ELP4: variants seen among roughly 807,000 people sequenced by gnomAD.
ELP4 encodes elongator acetyltransferase complex subunit 4.
In ELP4, 51 loss-of-function variants were observed where a neutral mutation model predicts 48.9. The ratio of observed to expected loss-of-function variants is 1.04; its 90% CI spans 0.83 to 1.32. The LOEUF (loss-of-function observed/expected upper bound fraction) is 1.32. Among genes scored for constraint, ELP4 ranks in the 40% most tolerant of loss-of-function variants. The pLI, the probability that ELP4 is intolerant of heterozygous loss-of-function variation, is 0.00. For synonymous variants in ELP4, 210 were observed against 189.2 expected, an observed-to-expected ratio of 1.11 and a Z score of -0.90; for missense variants, 519 against 514.6, an observed-to-expected ratio of 1.01 and a Z score of -0.08.
At chr11:31,511,931 G>A (rs1956017138) in intron 1 of ELP4, 1 of 152,150 alleles carries the variant, frequency 6.6e-6, no homozygotes, top group African/African-American at 2.4e-5. Flanking sequence ...AAACAGTATT[G>A]GTTGTTGAAT....
chr11:31,510,511 G>T, intron 1 of ELP4: 1 of 406,468 alleles, frequency 2.5e-6, no homozygotes, highest in South Asian at 1.1e-4. Flanking sequence ...AAAACATTTT[G>T]GCTTTAAGAG....
intron 7 of ELP4, chr11:31,633,260 T>G (rs1944902642): frequency 6.6e-6 from 1 of 152,040 alleles, no homozygotes; most frequent in African/African-American, 2.4e-5. Flanking sequence ...ATATACAGCA[T>G]ATATAGCAAA....
chr11:31,763,093 CA>C (rs34634356), intron 9 of ELP4, among the ~76,000 whole-genome samples: 146 of 137,504 alleles, frequency 1.1e-3, no homozygotes, highest in Middle Eastern at 4.0e-3. Context: ...GTATAATGAG[CA>C]AAAAAAAAAA....
chr11:31,573,209 C>A (rs971538485), intron 3 of ELP4, among the ~76,000 whole-genome samples: 2 of 152,196 alleles, frequency 1.3e-5, no homozygotes, highest in Admixed American at 6.5e-5. Context: ...AATGTGCCTA[C>A]ATGCAGTCTG....
chr11:31,556,188 A>G (rs182417104), intron 3 of ELP4, among the ~76,000 whole-genome samples: 39 of 152,026 alleles, frequency 2.6e-4, no homozygotes, highest in African/African-American at 8.7e-4. Flanking sequence ...TTAGGAAGTC[A>G]GCATTAAGAT....
intron 9 of ELP4, among the ~76,000 whole-genome samples, chr11:31,729,315 G>GTATCTAT (rs1399434343): frequency 1.3e-5 from 2 of 152,102 alleles, no homozygotes; most frequent in Non-Finnish European, 2.9e-5. Context: ...TCCGCAATTA[G>GTATCTAT]TATCTATGTA....
intron 5 of ELP4, among the ~76,000 whole-genome samples, chr11:31,621,918 A>G (rs1944630898): frequency 6.6e-6 from 1 of 151,864 alleles, no homozygotes; most frequent in Admixed American, 6.6e-5. Flanking sequence ...TTTGAGTTTT[A>G]AGTGCCGTTT....
intron 1 of ELP4, among the ~76,000 whole-genome samples, chr11:31,516,772 G>T (rs562037780): frequency 1.3e-5 from 2 of 152,130 alleles, no homozygotes; most frequent in Non-Finnish European, 2.9e-5. Flanking sequence ...GATTATAGCC[G>T]TGAGCCACTG....
At chr11:31,680,178 G>C (rs564617522) in intron 9 of ELP4, among the ~76,000 whole-genome samples, 40 of 152,276 alleles carry the variant, frequency 2.6e-4, no homozygotes, top group African/African-American at 9.1e-4. Flanking sequence ...CTTTTTGCTT[G>C]TGGAGACAGG....
intron 3 of ELP4, among the ~76,000 whole-genome samples, chr11:31,576,720 A>G (rs1565062628): frequency 1.3e-5 from 2 of 152,208 alleles, no homozygotes; most frequent in Non-Finnish European, 2.9e-5. Flanking sequence ...GAAGGCAGAA[A>G]TAAGGATGTT....
chr11:31,659,641 A>G (rs1226700733), intron 9 of ELP4, among the ~76,000 whole-genome samples: 1 of 152,086 alleles, frequency 6.6e-6, no homozygotes, highest in Non-Finnish European at 1.5e-5. Flanking sequence ...TAAAACTTGA[A>G]CGTATATAGT....
At chr11:31,748,775 G>A (rs1016927361) in intron 9 of ELP4, among the ~76,000 whole-genome samples, 1 of 151,952 alleles carries the variant, frequency 6.6e-6, no homozygotes, top group African/African-American at 2.4e-5. Flanking sequence ...AGGCCAAGGT[G>A]TGAGGATCAC....
Position 31,594,807 on chromosome 11 carries a change from A to C in ELP4, c.419A>C (p.Lys140Thr), listed in dbSNP as rs1231282746. 1.3e-6 allele frequency: 2 copies of C among 1,534,550 alleles called. No homozygotes were observed. Among genetic ancestry groups the C allele is most frequent in the Non-Finnish European group, 1.7e-6 (2 of 1,148,500 alleles). The stretch of plus-strand genomic sequence containing the variant: ...CCATTACTTGATGATAAATGTAAAA[A>C]GGAATTTGATGAAGATGTATACAAT... Reference protein sequence around the residue: ...PAPLLDDKCKKEFDEDVYNHK... With the variant: ...PAPLLDDKCKTEFDEDVYNHK... The change falls in exon 4 of 10, where the codon AAG becomes ACG. Residue 140 changes from lysine to threonine, a missense_variant. Physicochemically the swap from Lys to Thr is moderately conservative, Grantham distance 78. Transcript: ENST00000640961.
chr11:31,575,441 G>A (rs575761030), intron 3 of ELP4, among the ~76,000 whole-genome samples: 9 of 151,986 alleles, frequency 5.9e-5, no homozygotes, highest in East Asian at 1.9e-4. Context: ...TACAGAGAAC[G>A]CCACAAAGAT....
At chr11:31,549,054 A>G (rs1180846518) in intron 3 of ELP4, among the ~76,000 whole-genome samples, 5 of 152,246 alleles carry the variant, frequency 3.3e-5, no homozygotes, top group Admixed American at 6.5e-5. Context: ...CGTAGGCAAT[A>G]CCATTCAGGA....
At chr11:31,560,718 A>ATATATATATAAAACAACATTGTTTTG (rs1362854736) in intron 3 of ELP4, among the ~76,000 whole-genome samples, 1 of 148,690 alleles carries the variant, frequency 6.7e-6, no homozygotes, top group African/African-American at 2.5e-5. Context: ...ACGTTGTTTT[A>ATATATATATAAAACAACATTGTTTTG]TATATATATA....
intron 2 of ELP4, among the ~76,000 whole-genome samples, chr11:31,529,009 A>C (rs1272418380): frequency 6.6e-6 from 1 of 151,624 alleles, no homozygotes; most frequent in African/African-American, 2.4e-5. Context: ...TAACTCCCTG[A>C]AATTACATGA....
rs571143419 is a variant in ELP4, at chr11:31,539,869, A to G, written c.381+86A>G. ...ATATGTAAACAAGATATATGTTTGT[A>G]TATATACAAACTATATTTAAATGCA... On this transcript the variant is annotated intron_variant, in intron 3 of 9. Coordinates refer to ENST00000640961, the MANE Select transcript of ELP4 (RefSeq NM_019040.5). The G allele has an allele frequency of 6.8e-5, 78 of 1,149,206 alleles. 1 individual carries two copies. Among genetic ancestry groups the G allele is most frequent in the Non-Finnish European group, 5.9e-5 (51 of 860,382 alleles). 71.2% of individuals were successfully genotyped at this position (1,149,206 alleles called of 1,614,324 possible).
rs71060492 is a variant in ELP4 at position 31,533,368 on chromosome 11, C to CTTTTTTTTT, written c.260-6275_260-6267dup. Among the ~76,000 whole-genome samples, 66 of 50,462 alleles carry CTTTTTTTTT rather than the reference C, an allele frequency of 1.3e-3. 12 individuals are homozygous for CTTTTTTTTT. Among genetic ancestry groups the CTTTTTTTTT allele is most frequent in the African/African-American group, 3.9e-3 (46 of 11,886 alleles). 33.1% of individuals were successfully genotyped at this position (50,462 alleles called of 152,430 possible). On this transcript the variant is annotated intron_variant, in intron 2 of 9. Transcript: ENST00000640961. The stretch of plus-strand genomic sequence containing the variant: ...GTGTTGCTGCAAAAGCCATCTCATT[C>CTTTTTTTTT]TTTTTTTTTTTTTTTTTTTTTTTTT...
Sources: gnomAD v4.1 joint callset for allele counts (sites outside exome capture counted in the v4.1 genomes callset) on GRCh38, gnomAD v4.1.1 for gene constraint, MANE v1.5 for transcripts, NCBI Gene and HGNC (gene_info 2026-07-23, HGNC 2026-07-21) for gene names.